Variants in CPS1 observed in about 807,000 individuals in gnomAD.
The protein encoded by CPS1 is carbamoyl-phosphate synthase [ammonia], mitochondrial.
In CPS1, 109 loss-of-function variants were observed where a neutral mutation model predicts 174.6. That is an observed-to-expected ratio of 0.62 (90% CI 0.53 to 0.73). The LOEUF is 0.73. Ranked by LOEUF, CPS1 falls within the 30% of genes least tolerant of loss-of-function variation. The pLI, the probability that CPS1 is intolerant of heterozygous loss-of-function variation, is 0.00. For synonymous variants in CPS1, 637 were observed against 632.0 expected (o/e 1.01, Z -0.12); for missense variants, 1,689 against 1,821.9 (o/e 0.93, Z 1.33).
chr2:210,661,282 G>A (rs1019864649), intron 32 of CPS1, among the ~76,000 whole-genome samples: 5 of 152,136 alleles, frequency 3.3e-5, no homozygotes, highest in Non-Finnish European at 5.9e-5. Flanking sequence ...TCTCCTAGCT[G>A]CATCAGTATG....
At chr2:210,501,549 A>G (rs1391550308) in intron 1 of CPS1, among the ~76,000 whole-genome samples, 3 of 152,098 alleles carry the variant, frequency 2.0e-5, no homozygotes, top group African/African-American at 4.8e-5. Flanking sequence ...ATCTCTCTCA[A>G]GTTCAAAGTT....
chr2:210,571,918 A>C (rs1697511320), intron 1 of CPS1, among the ~76,000 whole-genome samples: 1 of 131,036 alleles, frequency 7.6e-6, no homozygotes, highest in South Asian at 2.5e-4. Context: ...TGTATGTGTA[A>C]TGGGAGTGGA....
chr2:210,535,750 A>G (rs1696230632), intron 1 of CPS1, among the ~76,000 whole-genome samples: 1 of 151,820 alleles, frequency 6.6e-6, no homozygotes, highest in Non-Finnish European at 1.5e-5. Flanking sequence ...ACATTATCCC[A>G]GCTATAGCAC....
intron 1 of CPS1, among the ~76,000 whole-genome samples, chr2:210,512,861 T>TAGATATATATATAG (rs1695544540): frequency 2.2e-5 from 1 of 46,240 alleles, no homozygotes; most frequent in Admixed American, 2.8e-4. Flanking sequence ...TATATATATA[T>TAGATATATATATAG]AGATATATAT....
chr2:210,573,439 C>T, intron 2 of CPS1, 32 bp downstream of exon 2: 2 of 1,482,176 alleles, frequency 1.3e-6, no homozygotes, highest in South Asian at 1.1e-5. Context: ...CTTTATTTTT[C>T]CTCTAGTAGA....
intron 1 of CPS1, among the ~76,000 whole-genome samples, chr2:210,567,121 A>G (rs1015616288): frequency 1.3e-5 from 2 of 152,174 alleles, no homozygotes; most frequent in African/African-American, 4.8e-5. Context: ...AGGTCAATCT[A>G]CGTCTACCAG....
At chr2:210,541,508 C>G (rs932074940) in intron 1 of CPS1, among the ~76,000 whole-genome samples, 1 of 152,106 alleles carries the variant, frequency 6.6e-6, no homozygotes, top group Admixed American at 6.5e-5. Flanking sequence ...ACAAACAGAA[C>G]AAACACATTT....
intron 15 of CPS1, 68 bp downstream of exon 15, chr2:210,600,780 C>T (rs1003750763): frequency 1.3e-6 from 2 of 1,490,082 alleles, no homozygotes; most frequent in African/African-American, 2.8e-5. Flanking sequence ...AATGATTTTT[C>T]ATGCCTAATA....
chr2:210,604,464 A>G (rs1249910739), intron 16 of CPS1, among the ~76,000 whole-genome samples: 1 of 151,870 alleles, frequency 6.6e-6, no homozygotes, highest in Admixed American at 6.6e-5. Context: ...TAAATATGAA[A>G]TTATAATTAT....
rs867617086 is a variant in CPS1 at position 210,663,064 on chromosome 2, A to G, written c.3928-59A>G. The G allele has an allele frequency of 4.8e-6, 7 of 1,450,012 alleles. No homozygotes were observed. The Middle Eastern group carries it at 1.0e-3, about 215-fold the overall frequency. 89.8% of individuals were successfully genotyped at this position (1,450,012 alleles called of 1,614,324 possible). A position where few individuals can be genotyped will look rare whatever the true frequency, so the allele number is the denominator to read the frequency against. ...TTTGCTAATATATTTATCCTCTCTT[A>G]TTCATTTTCTACTTTTCCCTCACAT... On this transcript the variant is annotated intron_variant, in intron 32 of 37. Coordinates refer to ENST00000233072, the MANE Select transcript of CPS1 (RefSeq NM_001875.5).
intron 1 of CPS1, among the ~76,000 whole-genome samples, chr2:210,551,204 A>G (rs1245091888): frequency 4.0e-5 from 6 of 151,844 alleles, no homozygotes; most frequent in Non-Finnish European, 1.5e-5. Context: ...GTGTTTGGCT[A>G]TGTCTTCAAT....
intron 1 of CPS1, among the ~76,000 whole-genome samples, chr2:210,561,887 G>A (rs576704421): frequency 6.6e-6 from 1 of 152,192 alleles, no homozygotes; most frequent in East Asian, 1.9e-4. Context: ...TCATAGGGAG[G>A]TAACTGACTA....
At position 210,590,096 on chromosome 2, in the gene CPS1, T is replaced by G. The variant is rs767866028; in HGVS notation, c.712-10T>G. ...TTATTAAATTCATCATTCTTGTGTC[T>G]CTTTTCCAGCGAGGAGCTGAAGTGC... On this transcript the variant is annotated splice_polypyrimidine_tract_variant and intron_variant, in intron 7 of 37. Transcript: ENST00000233072. The G allele has an allele frequency of 2.5e-6, 4 of 1,612,652 alleles. No homozygotes were observed. The highest frequency in any genetic ancestry group is 3.4e-6 in the Non-Finnish European group (4 of 1,178,994).
intron 17 of CPS1, 43 bp from the exon 18 acceptor site, chr2:210,606,688 T>C (rs1300211626): frequency 1.3e-5 from 21 of 1,588,678 alleles, no homozygotes; most frequent in Non-Finnish European, 1.8e-5. Flanking sequence ...AAGTTGGTTA[T>C]TTCAATATGC....
intron 1 of CPS1, among the ~76,000 whole-genome samples, chr2:210,504,824 C>T (rs572193301): frequency 4.6e-5 from 7 of 152,246 alleles, no homozygotes; most frequent in East Asian, 3.9e-4. Flanking sequence ...AATTAAAAGG[C>T]GGGAAACTTC....
rs141706918 is a variant in CPS1, at chr2:210,579,616, G to C, written c.472-98G>C. The C allele has an allele frequency of 5.9e-4, 529 of 897,566 alleles. 6 individuals are homozygous for C. The African/African-American group carries it at 7.6e-3, about 13-fold the overall frequency. The allele number at this position is 897,566 out of a possible 1,614,324, so 55.6% of individuals were successfully genotyped here. A position where few individuals can be genotyped will look rare whatever the true frequency, so the allele number is the denominator to read the frequency against. Reference sequence around the variant, plus strand: ...AGAAAGAGTGGAGAAATTATTTACTGCTCAAGAAGATAGATGAGGCCAAGT... The same window carrying C: ...AGAAAGAGTGGAGAAATTATTTACTCCTCAAGAAGATAGATGAGGCCAAGT... On this transcript the variant is annotated intron_variant, in intron 4 of 37. Coordinates refer to ENST00000233072, the MANE Select transcript of CPS1 (RefSeq NM_001875.5).
At chr2:210,602,586 T>G (rs1698766242) in intron 16 of CPS1, among the ~76,000 whole-genome samples, 1 of 151,982 alleles carries the variant, frequency 6.6e-6, no homozygotes. Flanking sequence ...ACTTTTATAG[T>G]ACAATCTATT....
Position 210,656,637 on chromosome 2 carries a change from T to C in CPS1, c.3666+5T>C. 1 of 1,602,310 alleles carries C rather than the reference T, an allele frequency of 6.2e-7. No homozygotes were observed. Among genetic ancestry groups the C allele is most frequent in the Non-Finnish European group, 8.5e-7 (1 of 1,171,114 alleles). ...AGCCAAGGGGCCATTGAAAAGGTCA[T>C]CATTTATAAATAAAAGTGGAAGGGA... On this transcript the variant is annotated splice_donor_5th_base_variant and intron_variant, in intron 30 of 37. Transcript: ENST00000233072.
chr2:210,612,017 CTTAT>C, intron 19 of CPS1, 96 bp from the exon 20 acceptor site: 1 of 927,690 alleles, frequency 1.1e-6, no homozygotes, highest in Non-Finnish European at 1.6e-6. Flanking sequence ...ATTTTTTGTT[CTTAT>C]TTGTTTTATA....
Sources: gnomAD v4.1 joint callset for allele counts (sites outside exome capture counted in the v4.1 genomes callset) on GRCh38, gnomAD v4.1.1 for gene constraint, MANE v1.5 for transcripts, NCBI Gene and HGNC (gene_info 2026-07-23, HGNC 2026-07-21) for gene names.